PLXNA4: variants seen among roughly 807,000 people sequenced by gnomAD.
The protein encoded by PLXNA4 is plexin-A4.
In PLXNA4, 44 loss-of-function variants were observed where a neutral mutation model predicts 191.8. The ratio of observed to expected loss-of-function variants is 0.23; its 90% CI spans 0.18 to 0.29. PLXNA4 has a LOEUF of 0.29. PLXNA4 is among the 10% of genes least tolerant of loss of function. The pLI is 1.00. For missense variants in PLXNA4, 1,800 were observed against 2,488.8 expected, an observed-to-expected ratio of 0.72 and a Z score of 5.89; for synonymous variants, 1,082 against 1,009.5, an observed-to-expected ratio of 1.07 and a Z score of -1.36.
intron 3 of PLXNA4, among the ~76,000 whole-genome samples, chr7:132,401,680 G>A (rs1366017210): frequency 6.6e-6 from 1 of 152,146 alleles, no homozygotes; most frequent in East Asian, 1.9e-4. Context: ...ATAAAGAAGG[G>A]CTCAGAGATT....
At chr7:132,627,786 A>G (rs1042186729) in intron 2 of PLXNA4, among the ~76,000 whole-genome samples, 3 of 152,220 alleles carry the variant, frequency 2.0e-5, no homozygotes, top group African/African-American at 7.2e-5. Context: ...TCATCAAACA[A>G]TGAATCCACT....
intron 3 of PLXNA4, among the ~76,000 whole-genome samples, chr7:132,437,826 G>A (rs1795535008): frequency 1.3e-5 from 2 of 152,312 alleles, no homozygotes; most frequent in South Asian, 2.1e-4. Flanking sequence ...TCATGTGATT[G>A]CAGAGGGCAG....
intron 10 of PLXNA4, among the ~76,000 whole-genome samples, chr7:132,205,888 C>T (rs191870684): frequency 4.6e-5 from 7 of 152,298 alleles, no homozygotes; most frequent in Admixed American, 2.0e-4. Context: ...CCTCATGCCC[C>T]CTCTCAGGAA....
chr7:132,223,608 G>A lies in PLXNA4; in HGVS notation c.2016C>T (p.Cys672=), dbSNP rs753493980. 9.9e-6 allele frequency: 16 copies of A among 1,613,698 alleles called. No individual in the cohort carries two copies. The highest frequency in any genetic ancestry group is 1.4e-5 in the Non-Finnish European group (16 of 1,179,918). ...AGACATGCCGGTATTTACACCAGTG[G>A]CAGCGGTATGGACTCTCCACGCAGG... The part of the protein sequence containing the change: ...CLSCVESPYR[C]HWCKYRHVCT... The change falls in exon 9 of 32, where the codon TGC becomes TGT. Residue 672 remains cysteine, a synonymous_variant. Coordinates refer to ENST00000321063, the MANE Select transcript of PLXNA4 (RefSeq NM_020911.2).
chr7:132,289,565 C>T (rs1301616726), intron 4 of PLXNA4, among the ~76,000 whole-genome samples: 1 of 152,038 alleles, frequency 6.6e-6, no homozygotes, highest in Non-Finnish European at 1.5e-5. Flanking sequence ...AGTCATCTCC[C>T]TCTGTTGCCC....
intron 3 of PLXNA4, among the ~76,000 whole-genome samples, chr7:132,449,266 C>A (rs1311088763): frequency 6.6e-6 from 1 of 152,188 alleles, no homozygotes; most frequent in Non-Finnish European, 1.5e-5. Flanking sequence ...TACTCAGATC[C>A]ATGTGCTTTG....
chr7:132,430,454 A>C (rs190732894), intron 3 of PLXNA4, among the ~76,000 whole-genome samples: 2 of 152,248 alleles, frequency 1.3e-5, no homozygotes, highest in Non-Finnish European at 1.5e-5. Context: ...AGGGAGAATT[A>C]GGTCCAGCTG....
chr7:132,252,817 C>T (rs1799302009), intron 4 of PLXNA4, among the ~76,000 whole-genome samples: 1 of 152,134 alleles, frequency 6.6e-6, no homozygotes, highest in Non-Finnish European at 1.5e-5. Flanking sequence ...TTGGAAACAA[C>T]CTAAATATCC....
rs533008378 is a variant in PLXNA4, at chr7:132,454,468, G to A, written c.1371+34824C>T. Among the ~76,000 whole-genome samples, 41 of 152,224 alleles carry A rather than the reference G, an allele frequency of 2.7e-4. No individual in the cohort carries two copies. The South Asian group carries it at 8.3e-3, about 31-fold the overall frequency. Reference sequence around the variant, plus strand: ...CATTTCTTGGCTTTAACAAGAAGCTGCCTGGGAAATGGCCCTACAAAAGGA... The same window carrying A: ...CATTTCTTGGCTTTAACAAGAAGCTACCTGGGAAATGGCCCTACAAAAGGA... On this transcript the variant is annotated intron_variant, in intron 3 of 31. Transcript: ENST00000321063.
At chr7:132,475,939 C>A (rs1448897251) in intron 3 of PLXNA4, among the ~76,000 whole-genome samples, 1 of 152,100 alleles carries the variant, frequency 6.6e-6, no homozygotes, top group East Asian at 1.9e-4. Context: ...AGGTGGTGTG[C>A]CGCTAATCTC....
chr7:132,302,608 T>C (rs1012046949), intron 3 of PLXNA4, among the ~76,000 whole-genome samples: 3 of 151,084 alleles, frequency 2.0e-5, no homozygotes, highest in Admixed American at 1.3e-4. Flanking sequence ...TAAGATTTCA[T>C]AGAAAAACAG....
At chr7:132,251,623 C>T (rs1216410387) in intron 4 of PLXNA4, among the ~76,000 whole-genome samples, 1 of 152,306 alleles carries the variant, frequency 6.6e-6, no homozygotes, top group East Asian at 1.9e-4. Context: ...GACCAGCGTT[C>T]CCAGCAATGC....
In PLXNA4 at chr7:132,128,150, C is replaced by T. The variant is rs542479502; in HGVS notation, c.*2329G>A. 7.2e-5 allele frequency: 11 copies of T among 152,220 alleles called. No individual in the cohort carries two copies. Among genetic ancestry groups the T allele is most frequent in the East Asian group, 1.9e-4 (1 of 5,172 alleles). The allele number at this position is 152,220 out of a possible 1,614,324, so 9.4% of individuals were successfully genotyped here. ...TAGTGACCGAGGTACTTCCTCAGAC[C>T]GTCTCCCACATGTACCCTTTCTGGC... On this transcript the variant is annotated 3_prime_UTR_variant, in exon 32 of 32. Coordinates refer to ENST00000321063, the MANE Select transcript of PLXNA4 (RefSeq NM_020911.2).
rs114858725 is a variant in PLXNA4, at chr7:132,430,273, G to T, written c.1371+59019C>A. On this transcript the variant is annotated intron_variant, in intron 3 of 31. Transcript: ENST00000321063. Reference sequence around the variant, plus strand: ...ACATACAGACATCAAGTCTCTATGCGGTTAGTACCCTGACAGCAGGGACAT... The same window carrying T: ...ACATACAGACATCAAGTCTCTATGCTGTTAGTACCCTGACAGCAGGGACAT... Among the ~76,000 whole-genome samples, 212 of 152,194 alleles carry T rather than the reference G, an allele frequency of 1.4e-3. 1 individual carries two copies. The highest frequency in any genetic ancestry group is 4.9e-3 in the African/African-American group (202 of 41,516).
At chr7:132,217,210 C>G (rs1021684303) in intron 9 of PLXNA4, among the ~76,000 whole-genome samples, 6 of 152,204 alleles carry the variant, frequency 3.9e-5, no homozygotes, top group African/African-American at 1.4e-4. Flanking sequence ...GAACACGAAG[C>G]CAAAGTATAA....
At chr7:132,563,109 TC>T (rs550384559) in intron 1 of PLXNA4, among the ~76,000 whole-genome samples, 1 of 18,112 alleles carries the variant, frequency 5.5e-5, no homozygotes, top group African/African-American at 2.2e-4. Flanking sequence ...CCTCCTCCTC[TC>T]CCTCCTCCTC....
At chr7:132,444,723 G>A (rs954094094) in intron 3 of PLXNA4, among the ~76,000 whole-genome samples, 2 of 152,134 alleles carry the variant, frequency 1.3e-5, no homozygotes, top group African/African-American at 4.8e-5. Flanking sequence ...GTGCCAACCT[G>A]TGGGTGTGCA....
At chr7:132,272,108 G>T (rs1295991257) in intron 4 of PLXNA4, among the ~76,000 whole-genome samples, 2 of 152,190 alleles carry the variant, frequency 1.3e-5, no homozygotes, top group African/African-American at 2.4e-5. Context: ...TCTCACTTGA[G>T]TCAGTGCATC....
At chr7:132,153,940 C>T (rs988235159) in intron 25 of PLXNA4, among the ~76,000 whole-genome samples, 9 of 152,148 alleles carry the variant, frequency 5.9e-5, no homozygotes, top group African/African-American at 2.2e-4. Flanking sequence ...AGACCCATCC[C>T]AGGAAGCTTC....
Sources: gnomAD v4.1 joint callset for allele counts (sites outside exome capture counted in the v4.1 genomes callset) on GRCh38, gnomAD v4.1.1 for gene constraint, MANE v1.5 for transcripts, NCBI Gene and HGNC (gene_info 2026-07-23, HGNC 2026-07-21) for gene names.